The following TEP1 variants were observed in gnomAD, a reference collection of about 807,000 sequenced individuals.
The protein encoded by TEP1 is telomerase associated protein 1.
TEP1 carries 241 observed loss-of-function variants against 306.3 expected under a neutral mutation model. That is an observed-to-expected ratio of 0.79 (90% confidence interval 0.71 to 0.88). The LOEUF is 0.88. Among genes scored for constraint, TEP1 ranks in the 40% least tolerant of loss-of-function variants. The pLI, the probability that TEP1 is intolerant of heterozygous loss-of-function variation, is 0.00. For missense variants in TEP1, 3,051 were observed against 3,276.1 expected (o/e 0.93, Z 1.68); for synonymous variants, 1,289 against 1,305.5 (o/e 0.99, Z 0.27).
chr14:20,397,509 C>CAA (rs1054129795), intron 9 of TEP1, among the ~76,000 whole-genome samples: 1 of 144,914 alleles, frequency 6.9e-6, no homozygotes, highest in Non-Finnish European at 1.5e-5. Context: ...ACTCTGTCTC[C>CAA]AAAAAAAAAA....
chr14:20,391,510 G>T, intron 13 of TEP1, 89 bp downstream of exon 13: 1 of 1,450,310 alleles, frequency 6.9e-7, no homozygotes, highest in Non-Finnish European at 9.3e-7. Context: ...TGTTTGCCTG[G>T]GAAAACCAGC....
chr14:20,405,887 G>A (rs770223909), intron 3 of TEP1, among the ~76,000 whole-genome samples: 1 of 151,822 alleles, frequency 6.6e-6, no homozygotes, highest in East Asian at 1.9e-4. Context: ...GGCAGTGCAC[G>A]CCTGTAATTC....
chr14:20,365,807 AC>A lies in TEP1; in HGVS notation c.*2629del. The A allele has an allele frequency of 6.6e-6, 1 of 152,150 alleles. No individual in the cohort carries two copies. The highest frequency in any genetic ancestry group is 1.5e-5 in the Non-Finnish European group (1 of 68,028). 9.4% of individuals were successfully genotyped at this position (152,150 alleles called of 1,614,324 possible). A position where few individuals can be genotyped will look rare whatever the true frequency, so the allele number is the denominator to read the frequency against. On this transcript the variant is annotated 3_prime_UTR_variant, in exon 55 of 55. Transcript: ENST00000262715. Reference sequence around the variant, plus strand: ...TTTGTGAACTGGCACTAGTCCATGAACCAAACTTTGAGTACCTCTGCTCTAG... The same window carrying A: ...TTTGTGAACTGGCACTAGTCCATGAACAAACTTTGAGTACCTCTGCTCTAG...
rs1044591730 is a variant in TEP1 at position 20,381,985 on chromosome 14, G to GCT, written c.4350_4351dup (p.Ala1451GlufsTer28). The stretch of plus-strand genomic sequence containing the variant: ...GTCTCCACTGTTACCAGCAGCCACT[G>GCT]CTTCTTCCCAGCTCTTAGTCCCCTT... On this transcript the variant is annotated frameshift_variant, in exon 30 of 55. Coordinates refer to ENST00000262715, the MANE Select transcript of TEP1 (RefSeq NM_007110.5). LOFTEE classifies it high-confidence loss of function. This position sits in a 1 kb window ranked among gnomAD's most constrained non-coding sequence, Gnocchi z 4.0. 5 of 1,614,038 alleles carry GCT rather than the reference G, an allele frequency of 3.1e-6. No homozygotes were observed. In the African/African-American group the frequency reaches 4.0e-5, roughly 13 times the overall value.
At position 20,381,928 on chromosome 14, in the gene TEP1, A is replaced by C; in HGVS notation, c.4409T>G (p.Val1470Gly). ...GCACCTGTACCTGCGCAGACTCTGGACGAGGCAGGCAAACGGGCCCATGGG... is the reference window on the plus strand; with the variant it reads ...GCACCTGTACCTGCGCAGACTCTGGCCGAGGCAGGCAAACGGGCCCATGGG... ...PYPMGPFACL[V>G]QSLRSLLGEG... Residue 1470 changes from valine (V) to glycine (G), a missense_variant, in exon 30 of 55, where the codon GTC becomes GGC. By Grantham distance (109) the Val-to-Gly change is moderately radical (BLOSUM62 -3). Coordinates refer to ENST00000262715, the MANE Select transcript of TEP1 (RefSeq NM_007110.5). This position sits in a 1 kb window ranked among gnomAD's most constrained non-coding sequence, Gnocchi z 4.0. The C allele has an allele frequency of 1.2e-6, 2 of 1,614,054 alleles. No homozygotes were observed. The highest frequency in any genetic ancestry group is 1.7e-6 in the Non-Finnish European group (2 of 1,180,002).
chr14:20,400,815 T>C (rs1010704653), intron 9 of TEP1, 169 bp downstream of exon 9: 1 of 757,350 alleles, frequency 1.3e-6, no homozygotes, highest in Non-Finnish European at 2.1e-6. Flanking sequence ...TCAAAGCAGG[T>C]ACCACTGTTT....
chr14:20,390,084 G>A (rs1206830436), intron 15 of TEP1, among the ~76,000 whole-genome samples: 1 of 152,070 alleles, frequency 6.6e-6, no homozygotes, highest in Non-Finnish European at 1.5e-5. Flanking sequence ...AACAAATGTG[G>A]CTGGGCATGT....
At position 20,395,588 on chromosome 14, in the gene TEP1, A is replaced by G; in HGVS notation, c.1790T>C (p.Ile597Thr). 6.2e-7 allele frequency: 1 copy of G among 1,610,908 alleles called. No individual in the cohort carries two copies. Among genetic ancestry groups the G allele is most frequent in the South Asian group, 1.1e-5 (1 of 91,002 alleles). ...ACGGTTCTTTTCATTTCTAGTTAGT[A>G]TCCGCCTCATCAGTGTTATATTCGA... is the stretch of plus-strand genomic sequence containing the variant. ...FPSNITLMRR[I>T]LTRNEKNRPR... Residue 597 changes from isoleucine to threonine, a missense_variant, in exon 12 of 55, where the codon ATA (isoleucine) becomes ACA (threonine). Physicochemically the swap from Ile to Thr is moderately conservative, Grantham distance 89. This residue lies in a region of TEP1 where 1,507 missense variants were observed against 1,550.5 expected (regional missense o/e 0.97). Transcript: ENST00000262715.
chr14:20,407,773 G>T, intron 2 of TEP1, 100 bp downstream of exon 2: 1 of 1,112,136 alleles, frequency 9.0e-7, no homozygotes, highest in Non-Finnish European at 1.3e-6. Flanking sequence ...AAGATAGCCA[G>T]ACACAGAGCA....
At chr14:20,406,167 A>T in intron 3 of TEP1, 66 bp downstream of exon 3, 2 of 1,557,888 alleles carry the variant, frequency 1.3e-6, no homozygotes, top group Non-Finnish European at 1.8e-6. Flanking sequence ...GACCTGGTTC[A>T]AGTACTCCAC....
At position 20,373,076 on chromosome 14, in the gene TEP1, C is replaced by T. The variant is rs1566440140; in HGVS notation, c.6886G>A (p.Val2296Ile). The T allele has an allele frequency of 6.2e-6, 10 of 1,614,126 alleles. No individual in the cohort carries two copies. The highest frequency in any genetic ancestry group is 8.5e-6 in the Non-Finnish European group (10 of 1,180,034). The change falls in exon 48 of 55, where the codon GTA becomes ATA. Residue 2296 changes from valine (V) to isoleucine (I), a missense_variant. Around this residue, in one of 3 missense-constraint regions of TEP1, gnomAD observed 1,540 missense variants for 1,705.9 expected, o/e 0.90. Coordinates refer to ENST00000262715, the MANE Select transcript of TEP1 (RefSeq NM_007110.5). ...VAWAPDGSMA[V>I]SGNQAGELIL... ...AGTTCCCCAGCTTGATTTCCAGATA[C>T]TGCCATGGAACCATCTGGTGCCCAA...
Position 20,378,805 on chromosome 14 carries a change from C to T in TEP1, c.5301G>A (p.Leu1767=). Residue 1767 remains leucine (L), a synonymous_variant, in exon 37 of 55, where the codon CTG becomes CTA. Coordinates refer to ENST00000262715, the MANE Select transcript of TEP1 (RefSeq NM_007110.5). The part of the protein sequence containing the change: ...AHQYQITGCC[L]SPDCRLLATV... ...TGGCTAGCAGCCGGCAGTCTGGGCT[C>T]AGGCAGCAGCCAGTGATTTGGTACT... 2 of 1,614,212 alleles carry T rather than the reference C, an allele frequency of 1.2e-6. No individual in the cohort carries two copies. Among genetic ancestry groups the T allele is most frequent in the Non-Finnish European group, 1.7e-6 (2 of 1,180,042 alleles).
Position 20,371,655 on chromosome 14 carries a change from CAGAGAA to C in TEP1, c.7077-29_7077-24del, listed in dbSNP as rs1251244743. On this transcript the variant is annotated intron_variant, in intron 49 of 54. Transcript: ENST00000262715. ...AGACTAGCTCAAAAAAGTACATGGA[CAGAGAA>C]AGATCCTATTTTAGTTAACCTTTCT... 8 of 1,549,838 alleles carry C rather than the reference CAGAGAA, an allele frequency of 5.2e-6. No homozygotes were observed. In the African/African-American group the frequency reaches 1.1e-4, roughly 22 times the overall value.
At chr14:20,379,583 A>G (rs1885406662) in intron 35 of TEP1, among the ~76,000 whole-genome samples, 1 of 152,184 alleles carries the variant, frequency 6.6e-6, no homozygotes, top group Admixed American at 6.5e-5. Flanking sequence ...GTCCTCCTAT[A>G]GCTGCACAAC....
At chr14:20,386,664 T>TC in intron 18 of TEP1, 41 bp from the exon 19 acceptor site, 1 of 1,522,006 alleles carries the variant, frequency 6.6e-7, no homozygotes, top group Non-Finnish European at 8.8e-7. Context: ...TAGGGATGAT[T>TC]CCCACCCCCC....
At chr14:20,386,373 A>C in intron 19 of TEP1, 74 bp downstream of exon 19, 1 of 1,572,742 alleles carries the variant, frequency 6.4e-7, no homozygotes, top group Non-Finnish European at 8.6e-7. Context: ...TGCAGCCCCA[A>C]CCATGCCCAC....
chr14:20,369,915 CA>C, intron 51 of TEP1, 136 bp from the exon 52 acceptor site: 2 of 564,622 alleles, frequency 3.5e-6, no homozygotes, highest in Non-Finnish European at 5.7e-6. Context: ...ATCAAGTGCG[CA>C]AATTTTTTTT....
chr14:20,369,954 C>T (rs925829276), intron 51 of TEP1, among the ~76,000 whole-genome samples, 175 bp from the exon 52 acceptor site: 4 of 149,912 alleles, frequency 2.7e-5, no homozygotes, highest in Non-Finnish European at 5.9e-5. Context: ...CACTCTGTCG[C>T]CCAGGCTGGA....
rs972947357 is a variant in TEP1, at chr14:20,367,115, G to A, written c.*1322C>T. The A allele has an allele frequency of 1.3e-5, 2 of 152,236 alleles. No individual in the cohort carries two copies. The highest frequency in any genetic ancestry group is 2.9e-5 in the Non-Finnish European group (2 of 68,032). 9.4% of individuals were successfully genotyped at this position (152,236 alleles called of 1,614,324 possible). ...ACAATGGCTCACGCCTGTAATCCCA[G>A]AACTTTAAGAGGCTGAGGTGTGCAG... On this transcript the variant is annotated 3_prime_UTR_variant, in exon 55 of 55. Transcript: ENST00000262715.
Sources: allele counts gnomAD v4.1 joint callset (sites outside exome capture counted in the v4.1 genomes callset), GRCh38; gene constraint gnomAD v4.1.1; regional missense constraint gnomAD v4.1.1; non-coding constraint Gnocchi (gnomAD v3.1); transcripts MANE v1.5; gene names NCBI Gene and HGNC (gene_info 2026-07-23, HGNC 2026-07-21).